PGM2: variants seen among roughly 807,000 people sequenced by gnomAD.
The protein encoded by PGM2 is phosphopentomutase.
PGM2 carries 57 observed loss-of-function variants against 74.6 expected under a neutral mutation model. That is an observed-to-expected ratio of 0.76 (90% CI 0.62 to 0.95). The LOEUF is 0.95. Ranked by LOEUF, PGM2 falls within the 40% of genes least tolerant of loss-of-function variation. The pLI, the probability that PGM2 is intolerant of heterozygous loss-of-function variation, is 0.00. For synonymous variants in PGM2, 273 were observed against 260.7 expected, an observed-to-expected ratio of 1.05 and a Z score of -0.46; for missense variants, 706 against 741.9, an observed-to-expected ratio of 0.95 and a Z score of 0.56.
intron 8 of PGM2, among the ~76,000 whole-genome samples, chr4:37,846,696 A>G (rs1347009758): frequency 6.6e-6 from 1 of 152,266 alleles, no homozygotes; most frequent in Non-Finnish European, 1.5e-5. Context: ...TACAGTCTTC[A>G]AAGACAGGAT....
chr4:37,826,918 G>A (rs1725307486), intron 1 of PGM2, 105 bp downstream of exon 1: 2 of 674,400 alleles, frequency 3.0e-6, no homozygotes, highest in Non-Finnish European at 5.0e-6. Flanking sequence ...CCCGCCCAGT[G>A]CATCCCGCTT....
chr4:37,826,862 C>G (rs764025900), intron 1 of PGM2, 49 bp downstream of exon 1: 4 of 1,207,128 alleles, frequency 3.3e-6, no homozygotes, highest in Middle Eastern at 2.5e-4. Flanking sequence ...GCCGGGTGCT[C>G]TGCCCTCTCC....
At chr4:37,847,173 T>C (rs767548263) in intron 9 of PGM2, 29 bp from the exon 10 acceptor site, 6 of 1,601,232 alleles carry the variant, frequency 3.7e-6, no homozygotes, top group Admixed American at 3.3e-5. Flanking sequence ...ATCTAAGGCA[T>C]GTCTTTCTCT....
In PGM2 at chr4:37,855,725, GCCC is replaced by G. The variant is rs1726175902; in HGVS notation, c.1722_1724del (p.Pro576del). The G allele has an allele frequency of 1.2e-6, 2 of 1,611,034 alleles. No individual in the cohort carries two copies. Among genetic ancestry groups the G allele is most frequent in the South Asian group, 2.2e-5 (2 of 90,458 alleles). The stretch of plus-strand genomic sequence containing the variant: ...AATCAAGTACTATGCAGAGCTGTGT[GCCC>G]CACCTGGGAACAGGTATGATGTGGA... On this transcript the variant is annotated inframe_deletion, in exon 13 of 14. Transcript: ENST00000381967.
In PGM2 at chr4:37,851,961, G is replaced by GTTTTCTTTCTTTTTT. The variant is rs1430228977; in HGVS notation, c.1602+1591_1602+1592insTCTTTCTTTTTTTTT. ...ATTGTATTTCCTGTACCTTTTGTTT[G>GTTTTCTTTCTTTTTT]TTTGTTTTCTTTTTTTTTGGAGACA... On this transcript the variant is annotated intron_variant, in intron 12 of 13. Transcript: ENST00000381967. Among the ~76,000 whole-genome samples, 25 of 135,416 alleles carry GTTTTCTTTCTTTTTT rather than the reference G, an allele frequency of 1.8e-4. 6 individuals are homozygous for GTTTTCTTTCTTTTTT. Among genetic ancestry groups the GTTTTCTTTCTTTTTT allele is most frequent in the African/African-American group, 2.0e-4 (7 of 35,620 alleles). 88.8% of individuals were successfully genotyped at this position (135,416 alleles called of 152,430 possible). A position where few individuals can be genotyped will look rare whatever the true frequency, so the allele number is the denominator to read the frequency against.
At chr4:37,842,827 A>G (rs866664230) in intron 6 of PGM2, among the ~76,000 whole-genome samples, 7 of 151,742 alleles carry the variant, frequency 4.6e-5, no homozygotes, top group Admixed American at 6.6e-5. Flanking sequence ...TGCTCTGCTA[A>G]TTTTTTGTAT....
intron 13 of PGM2, among the ~76,000 whole-genome samples, chr4:37,857,293 A>C (rs1172777983): frequency 6.6e-6 from 1 of 152,198 alleles, no homozygotes; most frequent in East Asian, 1.9e-4. Context: ...GACAACATAG[A>C]CAAACCAAAG....
Position 37,855,618 on chromosome 4 carries a change from C to G in PGM2, c.1613C>G (p.Thr538Ser). The G allele has an allele frequency of 8.1e-6, 13 of 1,613,636 alleles. No homozygotes were observed. Among genetic ancestry groups the G allele is most frequent in the Non-Finnish European group, 1.1e-5 (13 of 1,179,782 alleles). ...TGCATTAATTCCTAGGTTCTTCCCACTAGTAAAAGCAGCCAAATGATCACC... is the reference window on the plus strand; with the variant it reads ...TGCATTAATTCCTAGGTTCTTCCCAGTAGTAAAAGCAGCCAAATGATCACC... ...SQPDKKAVLPTSKSSQMITFT... is the reference protein window; with the variant it reads ...SQPDKKAVLPSSKSSQMITFT... The change falls in exon 13 of 14, where the codon ACT (threonine) becomes AGT (serine). Residue 538 changes from threonine (T) to serine (S), a missense_variant. Coordinates refer to ENST00000381967, the MANE Select transcript of PGM2 (RefSeq NM_018290.4).
In PGM2 at chr4:37,861,509, G is replaced by T; in HGVS notation, c.1737-1G>T. ...GGATTTTTTTCCCCCTTATTTTCCA[G>T]TGATCCTGAGCAGCTGAAGAAGGAA... On this transcript the variant is annotated splice_acceptor_variant, in intron 13 of 13. Coordinates refer to ENST00000381967, the MANE Select transcript of PGM2 (RefSeq NM_018290.4). LOFTEE classifies it high-confidence loss of function. The T allele has an allele frequency of 6.2e-7, 1 of 1,602,936 alleles. No homozygotes were observed. The highest frequency in any genetic ancestry group is 8.5e-7 in the Non-Finnish European group (1 of 1,170,526).
At chr4:37,860,980 C>T (rs1190905246) in intron 13 of PGM2, among the ~76,000 whole-genome samples, 1 of 152,080 alleles carries the variant, frequency 6.6e-6, no homozygotes, top group Admixed American at 6.6e-5. Flanking sequence ...TTTGACTCCT[C>T]AAACCCACCC....
In PGM2 at chr4:37,855,677, C is replaced by T. The variant is rs760047705; in HGVS notation, c.1672C>T (p.Arg558Cys). Residue 558 changes from arginine to cysteine, a missense_variant, in exon 13 of 14, where the codon CGC becomes TGC. This residue lies in a region of PGM2 where 359 missense variants were observed against 371.1 expected (regional missense o/e 0.97). Coordinates refer to ENST00000381967, the MANE Select transcript of PGM2 (RefSeq NM_018290.4). ...TFANGGVATM[R>C]TSGTEPKIKY... ...TGCTAATGGAGGCGTGGCCACCATG[C>T]GCACCAGTGGGACAGAGCCCAAAAT... 8.7e-6 allele frequency: 14 copies of T among 1,613,520 alleles called. No individual in the cohort carries two copies. Among genetic ancestry groups the T allele is most frequent in the East Asian group, 2.2e-5 (1 of 44,888 alleles).
chr4:37,848,548 G>C lies in PGM2; in HGVS notation c.1309G>C (p.Asp437His), dbSNP rs959739474. ...IGYMCCPFVL[D>H]KDGVSAAVIS... is the part of the protein sequence containing the mutation. ...ATACATGTGCTGCCCTTTTGTTCTGGACAAAGATGGAGTCAGTGCCGCTGT... is the reference window on the plus strand; with the variant it reads ...ATACATGTGCTGCCCTTTTGTTCTGCACAAAGATGGAGTCAGTGCCGCTGT... Residue 437 changes from aspartate (D) to histidine (H), a missense_variant, in exon 11 of 14, where the codon GAC (aspartate) becomes CAC (histidine). Asp to His is a moderately conservative substitution (Grantham distance 81). Coordinates refer to ENST00000381967, the MANE Select transcript of PGM2 (RefSeq NM_018290.4). 7 of 1,613,508 alleles carry C rather than the reference G, an allele frequency of 4.3e-6. No homozygotes were observed. In the African/African-American group the frequency reaches 9.3e-5, roughly 22 times the overall value.
Position 37,830,121 on chromosome 4 carries a change from A to G in PGM2, c.239A>G (p.Gln80Arg). Residue 80 changes from glutamine to arginine, a missense_variant, in exon 2 of 14, where the codon CAG (glutamine) becomes CGG (arginine). Coordinates refer to ENST00000381967, the MANE Select transcript of PGM2 (RefSeq NM_018290.4). ...CGTATGAATGACTTGACCATCATCC[A>G]GACTACACAGGTACCATGTTTTTTA... is the stretch of plus-strand genomic sequence containing the variant. ...ISRMNDLTIIQTTQGFCRYLE... is the reference protein window; with the variant it reads ...ISRMNDLTIIRTTQGFCRYLE... 1.3e-6 allele frequency: 2 copies of G among 1,577,124 alleles called. No homozygotes were observed. Among genetic ancestry groups the G allele is most frequent in the South Asian group, 1.2e-5 (1 of 85,198 alleles).
intron 1 of PGM2, among the ~76,000 whole-genome samples, chr4:37,829,065 A>G (rs1008580096): frequency 3.9e-5 from 6 of 152,238 alleles, no homozygotes; most frequent in African/African-American, 1.4e-4. Flanking sequence ...TGACTGTAAA[A>G]CAGGAATATA....
At chr4:37,855,258 A>G (rs937164574) in intron 12 of PGM2, among the ~76,000 whole-genome samples, 1 of 151,406 alleles carries the variant, frequency 6.6e-6, no homozygotes, top group African/African-American at 2.4e-5. Flanking sequence ...CTGTGAGTTC[A>G]ACCTTTTCGG....
chr4:37,856,157 A>G (rs1485879348), intron 13 of PGM2, among the ~76,000 whole-genome samples: 6 of 152,018 alleles, frequency 3.9e-5, no homozygotes, highest in Admixed American at 2.6e-4. Flanking sequence ...AGGCCGAGGC[A>G]GGCGGATCAC....
chr4:37,841,295 T>G (rs1451592691), intron 6 of PGM2, among the ~76,000 whole-genome samples: 1 of 151,672 alleles, frequency 6.6e-6, no homozygotes, highest in African/African-American at 2.4e-5. Context: ...CACCGGTGTA[T>G]TTAACTCAGT....
intron 12 of PGM2, among the ~76,000 whole-genome samples, chr4:37,852,007 G>T (rs1388839792): frequency 7.1e-6 from 1 of 141,070 alleles, no homozygotes; most frequent in African/African-American, 2.6e-5. Context: ...GTGTGACTTA[G>T]TCACTTAGGC....
Position 37,850,262 on chromosome 4 carries a change from C to T in PGM2, c.1491C>T (p.Leu497=). The T allele has an allele frequency of 1.3e-6, 2 of 1,585,274 alleles. No individual in the cohort carries two copies. Among genetic ancestry groups the T allele is most frequent in the South Asian group, 1.2e-5 (1 of 85,652 alleles). Residue 497 remains leucine (L), a synonymous_variant, in exon 12 of 14, where the codon CTC becomes CTT. Coordinates refer to ENST00000381967, the MANE Select transcript of PGM2 (RefSeq NM_018290.4). ...CCATTAAGAAATTATTTGAAAACCTCAGAAACTACGATGGAAAAAATAATT... is the reference window on the plus strand; with the variant it reads ...CCATTAAGAAATTATTTGAAAACCTTAGAAACTACGATGGAAAAAATAATT... ...QETIKKLFEN[L]RNYDGKNNYP...
Sources: gnomAD v4.1 joint callset for allele counts (sites outside exome capture counted in the v4.1 genomes callset) on GRCh38, gnomAD v4.1.1 for gene constraint, gnomAD v4.1.1 regional missense constraint, MANE v1.5 for transcripts, NCBI Gene and HGNC (gene_info 2026-07-23, HGNC 2026-07-21) for gene names.